Variants in ZC3H7A observed in about 807,000 individuals in gnomAD.
ZC3H7A encodes zinc finger CCCH-type containing 7A, also known as zinc finger CCCH domain-containing protein 7A.
ZC3H7A carries 44 observed loss-of-function variants against 125.5 expected under a neutral mutation model. The ratio of observed to expected loss-of-function variants is 0.35; its 90% confidence interval spans 0.28 to 0.45. The LOEUF is 0.45. Ranked by LOEUF, ZC3H7A falls within the 20% of genes least tolerant of loss-of-function variation. The pLI is 1.00. For missense variants in ZC3H7A, 977 were observed against 1,170.7 expected (o/e 0.83, Z 2.41); for synonymous variants, 399 against 391.2 (o/e 1.02, Z -0.23).
chr16:11,761,626 C>T, intron 18 of ZC3H7A, 115 bp from the exon 19 acceptor site: 1 of 1,068,070 alleles, frequency 9.4e-7, no homozygotes, highest in Admixed American at 2.3e-5. Flanking sequence ...CTCAATGCTT[C>T]TAAAAGAAAT....
rs962502891 is a variant in ZC3H7A at position 11,756,487 on chromosome 16, A to C, written c.2429-117T>G. ...GTTCAAAAGAAACTCAAGGGGGCTGAAGGAGACTATTATATTAGACATGGA... is the reference window on the plus strand; with the variant it reads ...GTTCAAAAGAAACTCAAGGGGGCTGCAGGAGACTATTATATTAGACATGGA... On this transcript the variant is annotated intron_variant, in intron 20 of 22. Coordinates refer to ENST00000355758, the MANE Select transcript of ZC3H7A (RefSeq NM_014153.4). The C allele has an allele frequency of 2.3e-6, 3 of 1,303,294 alleles. No individual in the cohort carries two copies. In the African/African-American group the frequency reaches 4.5e-5, roughly 19 times the overall value. The allele number at this position is 1,303,294 out of a possible 1,614,324, so 80.7% of individuals were successfully genotyped here.
At chr16:11,779,107 TAA>T in intron 4 of ZC3H7A, 57 bp downstream of exon 4, 1 of 1,354,270 alleles carries the variant, frequency 7.4e-7, no homozygotes, top group Middle Eastern at 2.6e-4. Flanking sequence ...ATTAATGTAC[TAA>T]GTCATTGAAA....
intron 13 of ZC3H7A, among the ~76,000 whole-genome samples, chr16:11,766,593 T>C (rs1391305350): frequency 6.7e-6 from 1 of 150,372 alleles, no homozygotes; most frequent in Non-Finnish European, 1.5e-5. Context: ...ATAAATAAAA[T>C]AAAACCTTGG....
intron 19 of ZC3H7A, chr16:11,759,233 C>G (rs1179559763): frequency 6.6e-6 from 1 of 152,266 alleles, no homozygotes; most frequent in African/African-American, 2.4e-5. Flanking sequence ...AAACCTCCAT[C>G]ACGGAGAATG....
chr16:11,761,284 A>T, intron 19 of ZC3H7A, 122 bp downstream of exon 19: 2 of 926,958 alleles, frequency 2.2e-6, no homozygotes, highest in Non-Finnish European at 3.3e-6. Context: ...GGAACCATTT[A>T]AATAGCATTA....
chr16:11,780,305 G>A (rs553519899), intron 3 of ZC3H7A, among the ~76,000 whole-genome samples: 3 of 151,892 alleles, frequency 2.0e-5, no homozygotes, highest in Non-Finnish European at 2.9e-5. Flanking sequence ...ATTTTTAGTA[G>A]AGACAGGGTT....
intron 9 of ZC3H7A, among the ~76,000 whole-genome samples, chr16:11,771,397 A>T (rs962627718): frequency 4.4e-5 from 6 of 136,316 alleles, no homozygotes; most frequent in South Asian, 2.1e-4. Context: ...CCAAAAAAAT[A>T]AAAAAAAAAA....
Position 11,765,481 on chromosome 16 carries a change from G to C in ZC3H7A, c.1719+8C>G. The C allele has an allele frequency of 6.2e-7, 1 of 1,604,970 alleles. No homozygotes were observed. Among genetic ancestry groups the C allele is most frequent in the Non-Finnish European group, 8.5e-7 (1 of 1,174,618 alleles). ...TTTACAGTGGAAAATAAGTTTTGGAGAACACACCTCACAAAGGAATATAAA... is the reference window on the plus strand; with the variant it reads ...TTTACAGTGGAAAATAAGTTTTGGACAACACACCTCACAAAGGAATATAAA... On this transcript the variant is annotated splice_region_variant and intron_variant, in intron 14 of 22. Coordinates refer to ENST00000355758, the MANE Select transcript of ZC3H7A (RefSeq NM_014153.4). This position sits in a 1 kb window ranked among gnomAD's most constrained non-coding sequence, Gnocchi z 4.8.
chr16:11,771,248 C>T (rs1322644291), intron 9 of ZC3H7A, among the ~76,000 whole-genome samples: 1 of 151,978 alleles, frequency 6.6e-6, no homozygotes, highest in Non-Finnish European at 1.5e-5. Flanking sequence ...ATTGGCTGTG[C>T]ATGGTGGCAT....
intron 3 of ZC3H7A, among the ~76,000 whole-genome samples, chr16:11,780,159 G>T (rs1242044130): frequency 1.3e-5 from 2 of 148,694 alleles, no homozygotes; most frequent in Non-Finnish European, 1.5e-5. Flanking sequence ...TCTTACTCTG[G>T]CACCCAGGCT....
rs372323765 is a variant in ZC3H7A at position 11,765,642 on chromosome 16, C to G, written c.1566G>C (p.Thr522=). 4 of 1,613,724 alleles carry G rather than the reference C, an allele frequency of 2.5e-6. No individual in the cohort carries two copies. In the South Asian group the frequency reaches 4.4e-5, roughly 18 times the overall value. Residue 522 remains threonine (T), a synonymous_variant, in exon 14 of 23, where the codon ACG becomes ACC. Coordinates refer to ENST00000355758, the MANE Select transcript of ZC3H7A (RefSeq NM_014153.4). This position sits in a 1 kb window ranked among gnomAD's most constrained non-coding sequence, Gnocchi z 4.8. Reference sequence around the variant, plus strand: ...CTATCTCCTCTTGGCAATAAGCAAACGTGCAGTGGCCTGAATATCTACATT... The same window carrying G: ...CTATCTCCTCTTGGCAATAAGCAAAGGTGCAGTGGCCTGAATATCTACATT... ...EEECRYSGHC[T]FAYCQEEIDV...
chr16:11,774,556 T>C (rs746788533), intron 8 of ZC3H7A, 37 bp from the exon 9 acceptor site: 2 of 1,486,366 alleles, frequency 1.3e-6, no homozygotes, highest in Non-Finnish European at 9.0e-7. Context: ...GTCACTTTCA[T>C]CGTACTTACA....
chr16:11,763,269 G>A (rs901233360), intron 16 of ZC3H7A: 22 of 384,362 alleles, frequency 5.7e-5, no homozygotes, highest in African/African-American at 4.0e-4. Flanking sequence ...CACCACGCCC[G>A]ATTAATTTTT....
intron 22 of ZC3H7A, among the ~76,000 whole-genome samples, chr16:11,751,790 A>G (rs530562154): frequency 6.6e-6 from 1 of 152,230 alleles, no homozygotes; most frequent in Non-Finnish European, 1.5e-5. Flanking sequence ...ATCAAGGAAA[A>G]AAATGTCTTC....
At chr16:11,770,120 T>A (rs1596388713) in intron 10 of ZC3H7A, among the ~76,000 whole-genome samples, 1 of 152,038 alleles carries the variant, frequency 6.6e-6, no homozygotes, top group Non-Finnish European at 1.5e-5. Flanking sequence ...ACTCAATTAT[T>A]TTCTCTCTGC....
chr16:11,763,358 CT>C, intron 16 of ZC3H7A, 119 bp downstream of exon 16: 1 of 1,021,548 alleles, frequency 9.8e-7, no homozygotes, highest in South Asian at 1.9e-5. Flanking sequence ...ATCCATCTGC[CT>C]CAGCCTCCCA....
Position 11,765,454 on chromosome 16 carries a change from A to G in ZC3H7A, c.1719+35T>C. The G allele has an allele frequency of 1.3e-6, 2 of 1,572,890 alleles. No homozygotes were observed. Among genetic ancestry groups the G allele is most frequent in the Non-Finnish European group, 1.7e-6 (2 of 1,153,960 alleles). The stretch of plus-strand genomic sequence containing the variant: ...CAATACCACTGGGCTTGCAAATTCA[A>G]CTTTACAGTGGAAAATAAGTTTTGG... On this transcript the variant is annotated intron_variant, in intron 14 of 22. Transcript: ENST00000355758. This position sits in a 1 kb window ranked among gnomAD's most constrained non-coding sequence, Gnocchi z 4.8.
At chr16:11,764,342 A>G (rs1337632454) in intron 15 of ZC3H7A, among the ~76,000 whole-genome samples, 3 of 152,142 alleles carry the variant, frequency 2.0e-5, no homozygotes, top group Non-Finnish European at 4.4e-5. Flanking sequence ...TGAGGTCAGG[A>G]GTTCAAGACC....
At chr16:11,753,686 T>G (rs2052588870) in intron 21 of ZC3H7A, 1 of 152,218 alleles carries the variant, frequency 6.6e-6, no homozygotes, top group African/African-American at 2.4e-5. Flanking sequence ...TCTCACTCTG[T>G]TGCTTAGGCT....
Sources: gnomAD v4.1 joint callset for allele counts (sites outside exome capture counted in the v4.1 genomes callset) on GRCh38, gnomAD v4.1.1 for gene constraint, Gnocchi (gnomAD v3.1) non-coding constraint, MANE v1.5 for transcripts, NCBI Gene and HGNC (gene_info 2026-07-23, HGNC 2026-07-21) for gene names.